TTBK2: variants seen among roughly 807,000 people sequenced by gnomAD.
TTBK2 encodes the protein tau-tubulin kinase 2.
A neutral mutation model predicts 110.8 loss-of-function variants in TTBK2; 28 were observed. The observed-to-expected ratio is 0.25, with a 90% CI of 0.19 to 0.35. The LOEUF is 0.35. Ranked by LOEUF, TTBK2 falls within the 10% of genes least tolerant of loss-of-function variation. TTBK2 has a pLI of 1.00. For missense variants in TTBK2, 1,369 were observed against 1,500.3 expected (o/e 0.91, Z 1.45); for synonymous variants, 532 against 527.3 (o/e 1.01, Z -0.12).
At chr15:42,796,386 C>A (rs574213247) in intron 9 of TTBK2, among the ~76,000 whole-genome samples, 1 of 151,392 alleles carries the variant, frequency 6.6e-6, no homozygotes, top group African/African-American at 2.4e-5. Context: ...GGTGACAGAG[C>A]GAGACTCGGG....
At chr15:42,871,507 G>A (rs1284266407) in intron 3 of TTBK2, 2 of 985,340 alleles carry the variant, frequency 2.0e-6, no homozygotes, top group Non-Finnish European at 2.4e-6. Context: ...ACACCAAGCT[G>A]ATGCTGACAT....
At chr15:42,876,297 T>G (rs973153761) in intron 2 of TTBK2, among the ~76,000 whole-genome samples, 7 of 152,148 alleles carry the variant, frequency 4.6e-5, no homozygotes, top group African/African-American at 1.7e-4. Context: ...ATTTTGGAGA[T>G]AAGTTGCTCA....
intron 3 of TTBK2, among the ~76,000 whole-genome samples, chr15:42,864,889 C>G (rs998926941): frequency 6.6e-6 from 1 of 151,394 alleles, no homozygotes; most frequent in Non-Finnish European, 1.5e-5. Flanking sequence ...CAACAATGTA[C>G]TTAATTATGT....
chr15:42,872,866 T>G, intron 2 of TTBK2, 108 bp from the exon 3 acceptor site: 4 of 1,335,056 alleles, frequency 3.0e-6, no homozygotes, highest in Non-Finnish European at 4.1e-6. Context: ...ATCTGTTTTT[T>G]GATAAAATAT....
In TTBK2 at chr15:42,783,419, C is replaced by T; in HGVS notation, c.1197G>A (p.Lys399=). ...TCTGTTGTTTATAAGGTACTCATAC[C>T]TTACAAATTCCAAGCTTTATCTTGT... The part of the protein sequence containing the change: ...NKNKIKLGIC[K]AATEEENSHG... Residue 399 remains lysine (K), a splice_region_variant and synonymous_variant, in exon 11 of 15, where the codon AAG becomes AAA. Transcript: ENST00000267890. 1 of 1,613,716 alleles carries T rather than the reference C, an allele frequency of 6.2e-7. No individual in the cohort carries two copies. The highest frequency in any genetic ancestry group is 1.1e-5 in the South Asian group (1 of 91,078).
intron 6 of TTBK2, among the ~76,000 whole-genome samples, chr15:42,821,193 T>C (rs1892280430): frequency 6.6e-6 from 1 of 152,230 alleles, no homozygotes; most frequent in Admixed American, 6.5e-5. Flanking sequence ...TTTGTATTTA[T>C]TGTATGTGAA....
At chr15:42,875,282 G>T (rs1253704295) in intron 2 of TTBK2, among the ~76,000 whole-genome samples, 1 of 152,156 alleles carries the variant, frequency 6.6e-6, no homozygotes, top group African/African-American at 2.4e-5. Context: ...CAAGGTTTAT[G>T]AGGCAAAGAG....
intron 13 of TTBK2, among the ~76,000 whole-genome samples, chr15:42,758,654 C>CA (rs59064527): frequency 0.077 from 5,117 of 66,094 alleles, 348 homozygotes; most frequent in African/African-American, 0.2. Context: ...GATTCCATCT[C>CA]AAAAAAAAAA....
At chr15:42,882,373 C>A (rs142005131) in intron 1 of TTBK2, among the ~76,000 whole-genome samples, 2,890 of 152,020 alleles carry the variant, frequency 0.019, 39 homozygotes, top group Middle Eastern at 0.031. Flanking sequence ...CCAAGGCAGG[C>A]AGATCACCTG....
chr15:42,843,974 A>G (rs1893348972), intron 3 of TTBK2, among the ~76,000 whole-genome samples: 1 of 152,014 alleles, frequency 6.6e-6, no homozygotes, highest in African/African-American at 2.4e-5. Flanking sequence ...AGCAGTGCCC[A>G]TTCCCTAGCC....
At chr15:42,843,913 C>T (rs904573917) in intron 3 of TTBK2, among the ~76,000 whole-genome samples, 4 of 152,084 alleles carry the variant, frequency 2.6e-5, no homozygotes, top group Non-Finnish European at 5.9e-5. Flanking sequence ...TGACTCAGCA[C>T]ATGAAGATAG....
intron 1 of TTBK2, chr15:42,919,782 C>T: frequency 1.0e-6 from 1 of 985,324 alleles, no homozygotes; most frequent in Non-Finnish European, 1.2e-6. Flanking sequence ...TCGACGGATA[C>T]AAAATTAACT....
chr15:42,843,758 CAAA>C (rs57403388), intron 3 of TTBK2, among the ~76,000 whole-genome samples: 4 of 71,664 alleles, frequency 5.6e-5, no homozygotes, highest in Admixed American at 1.7e-4. Flanking sequence ...GACTTGGTCT[CAAA>C]AAAAAAAAAA....
chr15:42,799,235 T>C (rs1272352697), intron 9 of TTBK2, among the ~76,000 whole-genome samples: 2 of 151,784 alleles, frequency 1.3e-5, no homozygotes, highest in African/African-American at 4.8e-5. Flanking sequence ...CCAGGTGTGG[T>C]GGCGGGCACC....
intron 4 of TTBK2, among the ~76,000 whole-genome samples, chr15:42,835,964 T>G (rs1194554887): frequency 6.6e-6 from 1 of 152,146 alleles, no homozygotes; most frequent in Admixed American, 6.5e-5. Flanking sequence ...TTTTAAAAGG[T>G]AGTAGGTGTT....
chr15:42,752,212 C>A lies in TTBK2; in HGVS notation c.3034G>T (p.Ala1012Ser). The A allele has an allele frequency of 6.2e-7, 1 of 1,614,060 alleles. No homozygotes were observed. The highest frequency in any genetic ancestry group is 8.5e-7 in the Non-Finnish European group (1 of 1,179,946). Reference sequence around the variant, plus strand: ...AGCACTTCCTCCTCACAAAAGGGAGCAGGAACAGTAGCTAGTTTCTCCTCT... The same window carrying A: ...AGCACTTCCTCCTCACAAAAGGGAGAAGGAACAGTAGCTAGTTTCTCCTCT... ...LLEEKLATVP[A>S]PFCEEEVLTP... Residue 1012 changes from alanine to serine, a missense_variant, in exon 14 of 15, where the codon GCT (alanine) becomes TCT (serine). By Grantham distance (99) the Ala-to-Ser change is moderately conservative. Coordinates refer to ENST00000267890, the MANE Select transcript of TTBK2 (RefSeq NM_173500.4).
chr15:42,881,794 C>T (rs1392086898), intron 1 of TTBK2, among the ~76,000 whole-genome samples: 2 of 151,834 alleles, frequency 1.3e-5, no homozygotes, highest in African/African-American at 2.4e-5. Flanking sequence ...TCGCTTGAAC[C>T]CAGGAGGTGG....
At chr15:42,749,587 T>C (rs1293827271) in intron 14 of TTBK2, among the ~76,000 whole-genome samples, 1 of 152,188 alleles carries the variant, frequency 6.6e-6, no homozygotes, top group East Asian at 1.9e-4. Context: ...TGATTACTCA[T>C]TGCTGCTTCT....
At chr15:42,872,982 T>C (rs1596007840) in intron 2 of TTBK2, among the ~76,000 whole-genome samples, 1 of 152,126 alleles carries the variant, frequency 6.6e-6, no homozygotes, top group African/African-American at 2.4e-5. Context: ...AGTAATGAAA[T>C]TATTTCACTC....
Sources: gnomAD v4.1 joint callset for allele counts (sites outside exome capture counted in the v4.1 genomes callset) on GRCh38, gnomAD v4.1.1 for gene constraint, MANE v1.5 for transcripts, NCBI Gene and HGNC (gene_info 2026-07-23, HGNC 2026-07-21) for gene names.